TP53I13: variants seen among roughly 807,000 people sequenced by gnomAD.
The protein encoded by TP53I13 is tumor protein p53-inducible protein 13.
A neutral mutation model predicts 39.1 loss-of-function variants in TP53I13; 27 were observed. The ratio of observed to expected loss-of-function variants is 0.69; its 90% CI spans 0.51 to 0.95. The LOEUF is 0.95. TP53I13 is among the 40% of genes least tolerant of loss of function. The probability of loss-of-function intolerance (pLI) is 0.00; values close to 1 mark genes in which losing one functional copy is unlikely to be tolerated. For missense variants in TP53I13, 544 were observed against 520.4 expected, an observed-to-expected ratio of 1.05 and a Z score of -0.44; for synonymous variants, 230 against 224.6, an observed-to-expected ratio of 1.02 and a Z score of -0.22.
Position 29,569,390 on chromosome 17 carries a change from G to T in TP53I13, c.183+31G>T, listed in dbSNP as rs770504482. The T allele has an allele frequency of 6.2e-6, 10 of 1,611,414 alleles. No homozygotes were observed. In the South Asian group the frequency reaches 6.6e-5, roughly 11 times the overall value. On this transcript the variant is annotated intron_variant, in intron 3 of 6. Coordinates refer to ENST00000301057, the MANE Select transcript of TP53I13 (RefSeq NM_138349.4). ...TACAAGCAGGGGCCCACCACCCTTG[G>T]TGTCCACGCCTGGAGACAGGCGCTC...
downstream of TP53I13, chr17:29,574,813 G>A (rs762322741): frequency 1.2e-5 from 19 of 1,611,400 alleles, no homozygotes; most frequent in South Asian, 1.1e-4. Flanking sequence ...CCACTGGGGC[G>A]CCGGGCTCTG....
downstream of TP53I13, chr17:29,577,586 TGAG>T (rs1360078880): frequency 3.4e-5 from 38 of 1,107,376 alleles, no homozygotes; most frequent in Non-Finnish European, 4.6e-5. Flanking sequence ...CACTGCCGGA[TGAG>T]GAGGGACCGC....
the TP53I13 span, chr17:29,579,459 C>T: frequency 1.2e-5 from 2 of 169,208 alleles, no homozygotes; most frequent in African/African-American, 4.8e-5. Flanking sequence ...ATCAGAATAC[C>T]CTAGGGACGG....
chr17:29,581,410 C>T, the TP53I13 span: 2 of 1,585,944 alleles, frequency 1.3e-6, no homozygotes, highest in Non-Finnish European at 1.7e-6. The surrounding 1 kb of genome is among the most constrained non-coding windows in gnomAD (Gnocchi z 4.8). Flanking sequence ...CCAAGTCACT[C>T]ACTAGTGCTG....
chr17:29,579,062 G>A, the TP53I13 span: 5 of 1,357,822 alleles, frequency 3.7e-6, no homozygotes, highest in Non-Finnish European at 3.2e-6. Context: ...GGCAGCACAC[G>A]CCTTTTCACA....
At position 29,571,998 on chromosome 17, in the gene TP53I13, C is replaced by T. The variant is rs368808766; in HGVS notation, c.454C>T (p.Pro152Ser). ...AWIYCESLSG[P>S]APSEPTPGRG... Reference sequence around the variant, plus strand: ...GATCTACTGTGAAAGCCTTTCAGGGCCTGCTCCCTCCGAGCCAACTCCCGG... The same window carrying T: ...GATCTACTGTGAAAGCCTTTCAGGGTCTGCTCCCTCCGAGCCAACTCCCGG... Residue 152 changes from proline (P) to serine (S), a missense_variant, in exon 5 of 7, where the codon CCT becomes TCT. Physicochemically the swap from Pro to Ser is moderately conservative, Grantham distance 74. Coordinates refer to ENST00000301057, the MANE Select transcript of TP53I13 (RefSeq NM_138349.4). 2.1e-5 allele frequency: 34 copies of T among 1,613,162 alleles called. No individual in the cohort carries two copies. The highest frequency in any genetic ancestry group is 2.9e-5 in the Non-Finnish European group (34 of 1,180,022).
downstream of TP53I13, chr17:29,575,537 G>A (rs1413239212): frequency 1.3e-6 from 2 of 1,561,392 alleles, no homozygotes; most frequent in Admixed American, 1.8e-5. The surrounding 1 kb of genome is among the most constrained non-coding windows in gnomAD (Gnocchi z 5.5). Flanking sequence ...CAGCCTCGGA[G>A]CCGCCCGCCT....
At chr17:29,577,916 C>G (rs539040017), downstream of TP53I13, among the ~76,000 whole-genome samples, 1 of 152,232 alleles carries the variant, frequency 6.6e-6, no homozygotes, top group Non-Finnish European at 1.5e-5. Flanking sequence ...CAAGGCTGGG[C>G]GTGGCCGGCT....
chr17:29,581,985 A>G, the TP53I13 span: 1 of 1,612,810 alleles, frequency 6.2e-7, no homozygotes, highest in Non-Finnish European at 8.5e-7. This position sits in a 1 kb window ranked among gnomAD's most constrained non-coding sequence, Gnocchi z 4.8. Flanking sequence ...TCAGCCCCAT[A>G]CACTACAAGC....
Position 29,569,307 on chromosome 17 carries a change from C to G in TP53I13, c.142-11C>G, listed in dbSNP as rs766446358. On this transcript the variant is annotated splice_polypyrimidine_tract_variant and intron_variant, in intron 2 of 6. Coordinates refer to ENST00000301057, the MANE Select transcript of TP53I13 (RefSeq NM_138349.4). Reference sequence around the variant, plus strand: ...CAACTGCCCTAAGCTCTGTTCTTTCCCCATGTATAGGTGTCACCAAGAGTG... The same window carrying G: ...CAACTGCCCTAAGCTCTGTTCTTTCGCCATGTATAGGTGTCACCAAGAGTG... 79 of 1,613,778 alleles carry G rather than the reference C, an allele frequency of 4.9e-5. 7 individuals carry two copies. In the South Asian group the frequency reaches 8.6e-4, roughly 18 times the overall value.
chr17:29,577,463 G>A (rs1460761304), downstream of TP53I13, among the ~76,000 whole-genome samples: 1 of 152,210 alleles, frequency 6.6e-6, no homozygotes, highest in Non-Finnish European at 1.5e-5. Flanking sequence ...ACCCACCGGA[G>A]CTGCTCCCCA....
chr17:29,576,897 C>T (rs1435341997), downstream of TP53I13: 2 of 1,576,438 alleles, frequency 1.3e-6, no homozygotes, highest in South Asian at 1.1e-5. Flanking sequence ...GCCGGTGCTG[C>T]GCAGGGGCTC....
intron 2 of TP53I13, 42 bp downstream of exon 2, chr17:29,569,128 G>C (rs1028790173): frequency 6.4e-7 from 1 of 1,556,778 alleles, no homozygotes; most frequent in African/African-American, 1.4e-5. Context: ...GATGTGAAAG[G>C]CTAGCCCAGT....
chr17:29,568,980 C>T lies in TP53I13; in HGVS notation c.73-38C>T. ...GGGGAGAGAGAGGGCAGGGCCTCGCCGCGTCCAGCGCCCCAACTCTTCGCT... is the reference window on the plus strand; with the variant it reads ...GGGGAGAGAGAGGGCAGGGCCTCGCTGCGTCCAGCGCCCCAACTCTTCGCT... On this transcript the variant is annotated intron_variant, in intron 1 of 6. Transcript: ENST00000301057. The surrounding 1 kb of genome is among the most constrained non-coding windows in gnomAD (Gnocchi z 4.5). 3 of 1,592,998 alleles carry T rather than the reference C, an allele frequency of 1.9e-6. No homozygotes were observed. Among genetic ancestry groups the T allele is most frequent in the South Asian group, 2.3e-5 (2 of 88,670 alleles).
the TP53I13 span, chr17:29,578,222 A>G: frequency 1.7e-6 from 2 of 1,196,648 alleles, no homozygotes; most frequent in Non-Finnish European, 2.5e-6. Context: ...ACCCCTTCTT[A>G]GCCCAGTAAA....
chr17:29,577,216 C>T, downstream of TP53I13: 1 of 1,613,922 alleles, frequency 6.2e-7, no homozygotes, highest in Non-Finnish European at 8.5e-7. Flanking sequence ...GGCAAACTCT[C>T]GGGCATTAAA....
chr17:29,572,094 G>A, intron 5 of TP53I13, 37 bp downstream of exon 5: 1 of 1,611,756 alleles, frequency 6.2e-7, no homozygotes, highest in South Asian at 1.1e-5. Context: ...TGGCCCTCGG[G>A]TTCTCTGAGA....
the TP53I13 span, chr17:29,578,337 T>C: frequency 6.2e-7 from 1 of 1,614,138 alleles, no homozygotes; most frequent in Non-Finnish European, 8.5e-7. Flanking sequence ...GTCATACACG[T>C]CCATGGCGAG....
At chr17:29,566,901 G>A (rs748023384), upstream of TP53I13, 1,124 of 1,490,068 alleles carry the variant, frequency 7.5e-4, 1 homozygote, top group Non-Finnish European at 8.3e-4. Flanking sequence ...GGAGCCGCGG[G>A]CCGAGCAGGC....
Sources: allele counts gnomAD v4.1 joint callset (sites outside exome capture counted in the v4.1 genomes callset), GRCh38; gene constraint gnomAD v4.1.1; non-coding constraint Gnocchi (gnomAD v3.1); transcripts MANE v1.5; gene names NCBI Gene and HGNC (gene_info 2026-07-23, HGNC 2026-07-21).